Variants in FHIT observed in about 807,000 individuals in gnomAD.
FHIT encodes fragile histidine triad diadenosine triphosphatase, also known as bis(5'-adenosyl)-triphosphatase.
In FHIT, 19 loss-of-function variants were observed where a neutral mutation model predicts 17.9. The observed-to-expected ratio is 1.06, with a 90% CI of 0.74 to 1.56. The LOEUF (loss-of-function observed/expected upper bound fraction) is 1.56. FHIT is among the 40% of genes most tolerant of loss of function. The probability of loss-of-function intolerance (pLI) is 0.00; values close to 1 mark genes in which losing one functional copy is unlikely to be tolerated. For missense variants in FHIT, 248 were observed against 189.2 expected (o/e 1.31, Z -1.82); for synonymous variants, 81 against 69.7 (o/e 1.16, Z -0.81).
At chr3:61,006,551 T>A (rs1383529648) in intron 3 of FHIT, among the ~76,000 whole-genome samples, 1 of 151,406 alleles carries the variant, frequency 6.6e-6, no homozygotes, top group East Asian at 1.9e-4. Context: ...AAAAAAAGTA[T>A]GAAAAATCAA....
At chr3:59,970,920 A>T (rs1304504931) in intron 7 of FHIT, among the ~76,000 whole-genome samples, 2 of 8,408 alleles carry the variant, frequency 2.4e-4, no homozygotes, top group East Asian at 2.8e-3. Context: ...AGCAGGGATT[A>T]AAAAAAAAAA....
At chr3:60,716,989 T>C (rs1450857071) in intron 4 of FHIT, among the ~76,000 whole-genome samples, 1 of 152,196 alleles carries the variant, frequency 6.6e-6, no homozygotes, top group African/African-American at 2.4e-5. Context: ...AATCTTGCCA[T>C]CTGCAACACG....
chr3:60,458,950 TA>T (rs1468713299), intron 5 of FHIT, among the ~76,000 whole-genome samples: 1 of 103,398 alleles, frequency 9.7e-6, no homozygotes, highest in Admixed American at 1.0e-4. Flanking sequence ...TAATTTGTCT[TA>T]TTTTTTTTTT....
chr3:59,826,591 A>G (rs1040929425), intron 8 of FHIT, among the ~76,000 whole-genome samples: 11 of 152,214 alleles, frequency 7.2e-5, no homozygotes, highest in African/African-American at 2.7e-4. Flanking sequence ...CCTTTATTCA[A>G]TACTCAAGAG....
intron 2 of FHIT, among the ~76,000 whole-genome samples, chr3:61,182,749 G>T (rs952918092): frequency 6.6e-6 from 1 of 152,114 alleles, no homozygotes; most frequent in Non-Finnish European, 1.5e-5. Flanking sequence ...CAGGATAGGG[G>T]GTATGGGGGG....
intron 5 of FHIT, among the ~76,000 whole-genome samples, chr3:60,522,758 T>G (rs2035421145): frequency 6.6e-6 from 1 of 152,216 alleles, no homozygotes. Flanking sequence ...TGCACATTTC[T>G]GCATTTTTCT....
intron 2 of FHIT, among the ~76,000 whole-genome samples, chr3:61,082,177 A>G (rs2035161060): frequency 6.6e-6 from 1 of 152,182 alleles, no homozygotes; most frequent in Non-Finnish European, 1.5e-5. Context: ...CCACTTAAAC[A>G]CTACCCAAAT....
At chr3:60,892,290 G>C (rs1705556349) in intron 3 of FHIT, among the ~76,000 whole-genome samples, 1 of 151,974 alleles carries the variant, frequency 6.6e-6, no homozygotes, top group Non-Finnish European at 1.5e-5. Context: ...CAAGCCCATA[G>C]CCTCCCCTGG....
intron 4 of FHIT, among the ~76,000 whole-genome samples, chr3:60,808,270 T>C (rs2594158): frequency 0.39 from 59,481 of 152,112 alleles, 13,884 homozygotes; most frequent in East Asian, 0.76. Flanking sequence ...ACTTTTGTTT[T>C]TTTTAAAAGG....
chr3:60,892,511 G>A (rs1575652768), intron 3 of FHIT, among the ~76,000 whole-genome samples: 2 of 152,258 alleles, frequency 1.3e-5, no homozygotes, highest in East Asian at 3.9e-4. Context: ...AGAGTGTAAT[G>A]TATATTAGAC....
chr3:60,502,448 C>T (rs1437545542), intron 5 of FHIT, among the ~76,000 whole-genome samples: 1 of 152,106 alleles, frequency 6.6e-6, no homozygotes, highest in Non-Finnish European at 1.5e-5. Flanking sequence ...GGCTGGTCTC[C>T]TCATTTGACA....
At chr3:60,660,921 G>T (rs1451393142) in intron 4 of FHIT, among the ~76,000 whole-genome samples, 1 of 151,484 alleles carries the variant, frequency 6.6e-6, no homozygotes, top group Non-Finnish European at 1.5e-5. Context: ...CCTGTAAATT[G>T]ACTTTTCATT....
intron 7 of FHIT, among the ~76,000 whole-genome samples, chr3:59,950,696 A>G (rs1707073681): frequency 6.6e-6 from 1 of 152,180 alleles, no homozygotes; most frequent in East Asian, 1.9e-4. Context: ...AGTTCACTGT[A>G]GCCTCCAGGA....
intron 4 of FHIT, among the ~76,000 whole-genome samples, chr3:60,692,215 T>C (rs2041008197): frequency 6.6e-6 from 1 of 152,208 alleles, no homozygotes; most frequent in Non-Finnish European, 1.5e-5. Context: ...AGCATAGATA[T>C]AGTGCTTTAA....
At chr3:61,061,697 T>C (rs2034435840) in intron 2 of FHIT, among the ~76,000 whole-genome samples, 1 of 152,120 alleles carries the variant, frequency 6.6e-6, no homozygotes, top group Non-Finnish European at 1.5e-5. Context: ...CCACATGACA[T>C]TGTCCCTCGG....
chr3:61,211,496 G>T (rs1346136512), intron 1 of FHIT, among the ~76,000 whole-genome samples: 1 of 152,222 alleles, frequency 6.6e-6, no homozygotes. Context: ...AAACAAAGCT[G>T]CCAGGAAGCA....
intron 4 of FHIT, among the ~76,000 whole-genome samples, chr3:60,812,380 G>A (rs1440413191): frequency 6.6e-6 from 1 of 151,822 alleles, no homozygotes; most frequent in Non-Finnish European, 1.5e-5. Flanking sequence ...AGCTGGTCTC[G>A]AACTCCTGGC....
intron 4 of FHIT, among the ~76,000 whole-genome samples, chr3:60,615,725 T>C (rs1176830566): frequency 3.3e-5 from 5 of 152,224 alleles, no homozygotes; most frequent in African/African-American, 1.2e-4. Flanking sequence ...TTTAAGAAAC[T>C]TGTAATCCAG....
chr3:59,927,265 GAAA>G (rs1378638192), intron 7 of FHIT, among the ~76,000 whole-genome samples: 1 of 152,160 alleles, frequency 6.6e-6, no homozygotes, highest in Non-Finnish European at 1.5e-5. Context: ...CATAGAGAAA[GAAA>G]GATTTGCGGT....
Sources: allele counts gnomAD v4.1 joint callset (sites outside exome capture counted in the v4.1 genomes callset), GRCh38; gene constraint gnomAD v4.1.1; transcripts MANE v1.5; gene names NCBI Gene and HGNC (gene_info 2026-07-23, HGNC 2026-07-21).